The following FHIT variants were observed in gnomAD, a reference collection of about 807,000 sequenced individuals.
FHIT encodes bis(5'-adenosyl)-triphosphatase.
A neutral mutation model predicts 17.9 loss-of-function variants in FHIT; 19 were observed. The ratio of observed to expected loss-of-function variants is 1.06; its 90% CI spans 0.74 to 1.56. The LOEUF (loss-of-function observed/expected upper bound fraction) is 1.56. Among genes scored for constraint, FHIT ranks in the 40% most tolerant of loss-of-function variants. The pLI is 0.00. For missense variants in FHIT, 248 were observed against 189.2 expected (o/e 1.31, Z -1.82); for synonymous variants, 81 against 69.7 (o/e 1.16, Z -0.81).
chr3:59,757,147 C>A (rs1701260605), intron 8 of FHIT, among the ~76,000 whole-genome samples: 1 of 152,104 alleles, frequency 6.6e-6, no homozygotes, highest in Non-Finnish European at 1.5e-5. Flanking sequence ...TCTGATGCAA[C>A]AACAATAGTC....
intron 4 of FHIT, among the ~76,000 whole-genome samples, chr3:60,596,287 C>G (rs538807312): frequency 2.2e-4 from 33 of 152,192 alleles, no homozygotes; most frequent in Non-Finnish European, 1.2e-4. Flanking sequence ...TCATTCGAGC[C>G]CAAACCTCAT....
intron 3 of FHIT, among the ~76,000 whole-genome samples, chr3:61,023,868 A>C (rs2032591582): frequency 6.6e-6 from 1 of 152,222 alleles, no homozygotes; most frequent in Admixed American, 6.5e-5. Context: ...TTAAAGACTT[A>C]AACATAAGAC....
intron 4 of FHIT, among the ~76,000 whole-genome samples, chr3:60,598,605 C>A (rs566333079): frequency 6.6e-6 from 1 of 152,274 alleles, no homozygotes; most frequent in South Asian, 2.1e-4. Flanking sequence ...ATATATCACA[C>A]TGCTAGCAAG....
intron 2 of FHIT, among the ~76,000 whole-genome samples, chr3:61,089,033 C>T (rs1257817901): frequency 1.3e-5 from 2 of 152,074 alleles, no homozygotes; most frequent in Non-Finnish European, 2.9e-5. Flanking sequence ...TATATATTCC[C>T]TTAGCCTATT....
chr3:60,303,488 C>T (rs547295832), intron 5 of FHIT, among the ~76,000 whole-genome samples: 91 of 152,290 alleles, frequency 6.0e-4, no homozygotes, highest in African/African-American at 2.2e-3. Context: ...ACTAATGAAT[C>T]TGAGCCCTCT....
chr3:60,000,127 GCC>G (rs1276161473), intron 7 of FHIT, among the ~76,000 whole-genome samples: 4 of 152,182 alleles, frequency 2.6e-5, no homozygotes, highest in African/African-American at 4.8e-5. Flanking sequence ...GGAGAAAACA[GCC>G]CATCCACAAC....
intron 4 of FHIT, among the ~76,000 whole-genome samples, chr3:60,735,688 C>T (rs1408737408): frequency 1.3e-5 from 2 of 152,180 alleles, no homozygotes; most frequent in Non-Finnish European, 2.9e-5. Flanking sequence ...CTTTGAGAAG[C>T]TGCATCCAAT....
intron 2 of FHIT, among the ~76,000 whole-genome samples, chr3:61,113,377 A>G (rs1373405401): frequency 6.6e-6 from 1 of 152,156 alleles, no homozygotes; most frequent in African/African-American, 2.4e-5. Context: ...AATAAACAAG[A>G]TCATAGAGTT....
At chr3:60,242,980 T>C (rs1245880525) in intron 5 of FHIT, among the ~76,000 whole-genome samples, 1 of 151,956 alleles carries the variant, frequency 6.6e-6, no homozygotes, top group East Asian at 1.9e-4. Flanking sequence ...CTTGAATTGA[T>C]AGGCACATTT....
intron 3 of FHIT, among the ~76,000 whole-genome samples, chr3:60,906,085 CAG>C (rs1706399478): frequency 6.6e-6 from 1 of 151,900 alleles, no homozygotes; most frequent in African/African-American, 2.4e-5. Flanking sequence ...TAAATAATCA[CAG>C]AGGAAAAAAA....
chr3:60,610,591 A>G (rs1461131086), intron 4 of FHIT, among the ~76,000 whole-genome samples: 1 of 152,176 alleles, frequency 6.6e-6, no homozygotes, highest in Non-Finnish European at 1.5e-5. Context: ...TGAGAGAACT[A>G]TTAGGGACAG....
intron 7 of FHIT, among the ~76,000 whole-genome samples, chr3:59,939,641 G>A (rs964845426): frequency 4.6e-5 from 7 of 152,204 alleles, no homozygotes; most frequent in East Asian, 1.9e-4. Context: ...TCTTCTAGGC[G>A]TTGGCTTAGG....
intron 5 of FHIT, among the ~76,000 whole-genome samples, chr3:60,261,576 G>A (rs911951885): frequency 5.9e-5 from 9 of 152,034 alleles, no homozygotes; most frequent in Non-Finnish European, 1.0e-4. Context: ...AAACCAGCCT[G>A]ATGTCAGATC....
chr3:60,038,876 T>C (rs1369410575), intron 5 of FHIT, among the ~76,000 whole-genome samples: 1 of 152,178 alleles, frequency 6.6e-6, no homozygotes, highest in South Asian at 2.1e-4. Flanking sequence ...ACAGTTCCGA[T>C]TGTCTAATGC....
At chr3:61,108,528 A>G (rs1576028638) in intron 2 of FHIT, among the ~76,000 whole-genome samples, 2 of 152,188 alleles carry the variant, frequency 1.3e-5, no homozygotes, top group African/African-American at 4.8e-5. Flanking sequence ...TGCTAGAGAA[A>G]AAATAGCCTA....
At chr3:60,655,726 A>G (rs572796762) in intron 4 of FHIT, among the ~76,000 whole-genome samples, 178 of 152,336 alleles carry the variant, frequency 1.2e-3, no homozygotes, top group Non-Finnish European at 2.2e-3. Context: ...GGAATTGAAC[A>G]AAAGTCCCCA....
intron 2 of FHIT, among the ~76,000 whole-genome samples, chr3:61,191,952 A>G (rs957794865): frequency 1.3e-5 from 2 of 152,178 alleles, no homozygotes; most frequent in African/African-American, 4.8e-5. Flanking sequence ...TGGGACTGCA[A>G]TCAACTAAAT....
intron 5 of FHIT, among the ~76,000 whole-genome samples, chr3:60,092,532 G>A (rs1001957334): frequency 3.2e-4 from 48 of 152,330 alleles, no homozygotes; most frequent in Middle Eastern, 3.4e-3. Flanking sequence ...AAACATGATA[G>A]CATTTCTAGA....
intron 2 of FHIT, among the ~76,000 whole-genome samples, chr3:61,170,110 G>A (rs981827970): frequency 6.6e-6 from 1 of 152,114 alleles, no homozygotes; most frequent in African/African-American, 2.4e-5. Context: ...GCTCAGAGGA[G>A]TATAATTAAA....
Sources: allele counts gnomAD v4.1 joint callset (sites outside exome capture counted in the v4.1 genomes callset), GRCh38; gene constraint gnomAD v4.1.1; transcripts MANE v1.5; gene names NCBI Gene and HGNC (gene_info 2026-07-23, HGNC 2026-07-21).